The following MDGA2 variants were observed in gnomAD, a reference collection of about 807,000 sequenced individuals.
MDGA2 encodes the protein MAM domain-containing glycosylphosphatidylinositol anchor protein 2.
In MDGA2, 40 loss-of-function variants were observed where a neutral mutation model predicts 117.8. That is an observed-to-expected ratio of 0.34 (90% CI 0.26 to 0.44). The LOEUF (loss-of-function observed/expected upper bound fraction) is 0.44, where lower values mean the gene tolerates loss of function less well. MDGA2 is among the 20% of genes least tolerant of loss of function. The pLI, the probability that MDGA2 is intolerant of heterozygous loss-of-function variation, is 1.00. For missense variants in MDGA2, 1,123 were observed against 1,250.6 expected, an observed-to-expected ratio of 0.90 and a Z score of 1.54; for synonymous variants, 452 against 439.0, an observed-to-expected ratio of 1.03 and a Z score of -0.37.
chr14:46,849,824 A>G (rs774230900), intron 15 of MDGA2, among the ~76,000 whole-genome samples: 3 of 151,752 alleles, frequency 2.0e-5, no homozygotes, highest in Non-Finnish European at 4.4e-5. Flanking sequence ...GACTACTATT[A>G]CATTACAGAG....
chr14:47,103,546 T>C (rs1880460497), intron 5 of MDGA2, among the ~76,000 whole-genome samples: 1 of 152,240 alleles, frequency 6.6e-6, no homozygotes, highest in South Asian at 2.1e-4. Flanking sequence ...AATAACAATA[T>C]TTGAAATTGT....
intron 3 of MDGA2, among the ~76,000 whole-genome samples, chr14:47,169,500 T>A (rs889611586): frequency 6.6e-6 from 1 of 151,932 alleles, no homozygotes; most frequent in Non-Finnish European, 1.5e-5. Flanking sequence ...CATTTATCTA[T>A]AGATACTAAC....
intron 1 of MDGA2, among the ~76,000 whole-genome samples, chr14:47,464,636 A>T (rs1430805872): frequency 6.6e-6 from 1 of 152,258 alleles, no homozygotes; most frequent in East Asian, 1.9e-4. Flanking sequence ...GAGGTGAAAG[A>T]TCTCCACAAT....
At chr14:47,564,728 C>T (rs1052763186) in intron 1 of MDGA2, among the ~76,000 whole-genome samples, 1 of 152,234 alleles carries the variant, frequency 6.6e-6, no homozygotes, top group African/African-American at 2.4e-5. Context: ...CTTGTTTTCT[C>T]TCCCTCTCTG....
intron 3 of MDGA2, among the ~76,000 whole-genome samples, chr14:47,214,859 A>G (rs1886026992): frequency 6.6e-6 from 1 of 152,148 alleles, no homozygotes; most frequent in Non-Finnish European, 1.5e-5. Flanking sequence ...CTGATGCATT[A>G]CATTAATATA....
At chr14:47,334,467 A>C (rs1008793990) in intron 1 of MDGA2, among the ~76,000 whole-genome samples, 5 of 152,024 alleles carry the variant, frequency 3.3e-5, no homozygotes, top group Admixed American at 3.3e-4. Context: ...CTCCGGAAGC[A>C]TCAGTTTTCT....
chr14:47,147,204 T>TAC (rs1305131382), intron 3 of MDGA2, among the ~76,000 whole-genome samples: 1 of 150,752 alleles, frequency 6.6e-6, no homozygotes, highest in Non-Finnish European at 1.5e-5. Flanking sequence ...AAGTAATTTA[T>TAC]ACACACATAT....
At position 47,233,411 on chromosome 14, in the gene MDGA2, G is replaced by A. The variant is rs116534723; in HGVS notation, c.421-15216C>T. 1.3e-3 allele frequency among the ~76,000 whole-genome samples: 192 copies of A among 152,108 alleles called. 2 individuals are homozygous for A. The highest frequency in any genetic ancestry group is 4.4e-3 in the African/African-American group (182 of 41,530). ...TAAAGATTTGGTCGTCTCTCCTTAC[G>A]CGCTTAGTTTTCAAGCTAGCAATTA... On this transcript the variant is annotated intron_variant, in intron 2 of 16. Coordinates refer to ENST00000399232, the MANE Select transcript of MDGA2 (RefSeq NM_001113498.3).
intron 2 of MDGA2, among the ~76,000 whole-genome samples, chr14:47,271,579 T>G (rs1220546584): frequency 6.6e-6 from 1 of 152,140 alleles, no homozygotes; most frequent in Non-Finnish European, 1.5e-5. Context: ...CAAACAGCAG[T>G]AGGAATGATA....
In MDGA2 at chr14:46,873,801, A is replaced by C. The variant is rs1882113211; in HGVS notation, c.2594-210T>G. The C allele has an allele frequency of 6.9e-6, 4 of 583,118 alleles. No homozygotes were observed. The East Asian group carries it at 1.3e-4, about 19-fold the overall frequency. 36.1% of individuals were successfully genotyped at this position (583,118 alleles called of 1,614,324 possible). ...TACCAAATTAAAGATAAAATGTATA[A>C]AAAGTTGAAATTTAGACTTGAATTA... On this transcript the variant is annotated intron_variant, in intron 13 of 16. Transcript: ENST00000399232.
intron 5 of MDGA2, among the ~76,000 whole-genome samples, chr14:47,107,652 G>A (rs1210968715): frequency 1.3e-5 from 2 of 150,836 alleles, no homozygotes; most frequent in Non-Finnish European, 2.9e-5. Context: ...TGCTCTCCCT[G>A]CCGATCGTGT....
chr14:47,012,684 T>C (rs2138540807), intron 8 of MDGA2, among the ~76,000 whole-genome samples: 1 of 152,228 alleles, frequency 6.6e-6, no homozygotes, highest in South Asian at 2.1e-4. Context: ...TTTGTTAACC[T>C]GGGTGTAGAA....
chr14:47,498,055 G>T (rs1894318904), intron 1 of MDGA2, among the ~76,000 whole-genome samples: 2 of 152,102 alleles, frequency 1.3e-5, no homozygotes, highest in Admixed American at 1.3e-4. Flanking sequence ...TTTAAGTAAG[G>T]ATTAGGTATA....
At chr14:47,527,247 A>T (rs1353689934) in intron 1 of MDGA2, among the ~76,000 whole-genome samples, 1 of 152,206 alleles carries the variant, frequency 6.6e-6, no homozygotes, top group Non-Finnish European at 1.5e-5. Context: ...GCTAATTCAC[A>T]TTCATTGTAA....
intron 2 of MDGA2, among the ~76,000 whole-genome samples, chr14:47,299,060 T>TA (rs1889186810): frequency 6.6e-6 from 1 of 152,024 alleles, no homozygotes; most frequent in Non-Finnish European, 1.5e-5. Context: ...CTTCTAGGAA[T>TA]AAAAAAATAT....
At chr14:47,235,151 A>G (rs1011090596) in intron 2 of MDGA2, among the ~76,000 whole-genome samples, 4 of 152,222 alleles carry the variant, frequency 2.6e-5, no homozygotes, top group Non-Finnish European at 5.9e-5. Context: ...AGCTAATGAC[A>G]GAAGTCACGT....
In MDGA2 at chr14:47,670,037, T is replaced by C. The variant is rs147133250; in HGVS notation, c.280+4480A>G. 1.6e-4 allele frequency among the ~76,000 whole-genome samples: 25 copies of C among 152,194 alleles called. No homozygotes were observed. The East Asian group carries it at 2.3e-3, about 14-fold the overall frequency. On this transcript the variant is annotated intron_variant, in intron 1 of 16. Coordinates refer to ENST00000399232, the MANE Select transcript of MDGA2 (RefSeq NM_001113498.3). ...TTCCAGAGCTTTCTTGTGTCACTTA[T>C]GCCCTTGTTCTTAATTTCACCAAGG...
chr14:47,324,106 G>A (rs545379653), intron 1 of MDGA2, among the ~76,000 whole-genome samples: 10 of 152,032 alleles, frequency 6.6e-5, no homozygotes, highest in African/African-American at 1.2e-4. Flanking sequence ...TTAGCCAGGC[G>A]TGGTGGCAGG....
intron 1 of MDGA2, among the ~76,000 whole-genome samples, chr14:47,555,586 C>T (rs1034983784): frequency 2.0e-5 from 3 of 152,122 alleles, no homozygotes; most frequent in Non-Finnish European, 4.4e-5. Context: ...TAACAATCCA[C>T]CACAATCATA....
Sources: allele counts gnomAD v4.1 joint callset (sites outside exome capture counted in the v4.1 genomes callset), GRCh38; gene constraint gnomAD v4.1.1; transcripts MANE v1.5; gene names NCBI Gene and HGNC (gene_info 2026-07-23, HGNC 2026-07-21).